GALNT18: variants seen among roughly 807,000 people sequenced by gnomAD.
GALNT18 encodes polypeptide N-acetylgalactosaminyltransferase 18, also known as GalNAc-transferase 18.
Under a neutral mutation model 69.5 loss-of-function variants are expected in GALNT18, and 44 were observed. That is an observed-to-expected ratio of 0.63 (90% confidence interval 0.50 to 0.81). The LOEUF (loss-of-function observed/expected upper bound fraction) is 0.81. Among genes scored for constraint, GALNT18 ranks in the 40% least tolerant of loss-of-function variants. The pLI, the probability that GALNT18 is intolerant of heterozygous loss-of-function variation, is 0.00. For missense variants in GALNT18, 715 were observed against 810.0 expected (o/e 0.88, Z 1.42); for synonymous variants, 364 against 318.2 (o/e 1.14, Z -1.53).
At chr11:11,359,376 G>T (rs998929067) in intron 6 of GALNT18, among the ~76,000 whole-genome samples, 1 of 141,374 alleles carries the variant, frequency 7.1e-6, no homozygotes, top group African/African-American at 2.6e-5. Flanking sequence ...TTTAACCGTG[G>T]ATACATATTT....
At chr11:11,442,488 C>A (rs1158579795) in intron 2 of GALNT18, among the ~76,000 whole-genome samples, 1 of 152,154 alleles carries the variant, frequency 6.6e-6, no homozygotes, top group Non-Finnish European at 1.5e-5. Flanking sequence ...TTCAAAGATG[C>A]CAGATGTCTC....
intron 3 of GALNT18, among the ~76,000 whole-genome samples, chr11:11,414,778 T>C (rs1169597197): frequency 6.6e-6 from 1 of 152,198 alleles, no homozygotes; most frequent in Non-Finnish European, 1.5e-5. Context: ...ATGGATTCAT[T>C]TTCTATTGAT....
chr11:11,284,151 G>A (rs772477269), intron 10 of GALNT18, among the ~76,000 whole-genome samples: 1 of 152,184 alleles, frequency 6.6e-6, no homozygotes, highest in Non-Finnish European at 1.5e-5. Flanking sequence ...AGAACTGTGC[G>A]TAGACTGGGG....
At position 11,564,872 on chromosome 11, in the gene GALNT18, T is replaced by C. The variant is rs7947984; in HGVS notation, c.235+56487A>G. ...GTGTTCATAAGTGGCCTGTGTCTGCTCGATACCATAGTGAACAGAATAGGT... is the reference window on the plus strand; with the variant it reads ...GTGTTCATAAGTGGCCTGTGTCTGCCCGATACCATAGTGAACAGAATAGGT... On this transcript the variant is annotated intron_variant, in intron 1 of 10. Coordinates refer to ENST00000227756, the MANE Select transcript of GALNT18 (RefSeq NM_198516.3). This position sits in a 1 kb window ranked among gnomAD's most constrained non-coding sequence, Gnocchi z 4.3. Among the ~76,000 whole-genome samples, 1,721 of 152,320 alleles carry C rather than the reference T, an allele frequency of 0.011. 37 individuals carry two copies. Among genetic ancestry groups the C allele is most frequent in the African/African-American group, 0.039 (1,615 of 41,548 alleles).
intron 10 of GALNT18, among the ~76,000 whole-genome samples, chr11:11,274,896 C>T (rs1017703492): frequency 2.6e-5 from 4 of 152,188 alleles, no homozygotes; most frequent in African/African-American, 9.7e-5. Context: ...TTTATGGCTG[C>T]ATAGTGTTCC....
rs147952618 is a variant in GALNT18, at chr11:11,538,568, G to A, written c.235+82791C>T. On this transcript the variant is annotated intron_variant, in intron 1 of 10. Coordinates refer to ENST00000227756, the MANE Select transcript of GALNT18 (RefSeq NM_198516.3). The surrounding 1 kb of genome is among the most constrained non-coding windows in gnomAD (Gnocchi z 5.2). ...TTGCACCAACAACCCGATAGCCCTG[G>A]AGCTCGCGGCACTCCTCTCAGGGGC... Among the ~76,000 whole-genome samples, 71 of 152,242 alleles carry A rather than the reference G, an allele frequency of 4.7e-4. 1 individual carries two copies. In the East Asian group the frequency reaches 0.012, roughly 26 times the overall value.
At chr11:11,278,510 T>TA (rs545686221) in intron 10 of GALNT18, among the ~76,000 whole-genome samples, 133 of 144,500 alleles carry the variant, frequency 9.2e-4, no homozygotes, top group East Asian at 2.4e-3. Context: ...ACTTATAGTA[T>TA]AAAAAAAAAA....
rs1438093057 is a variant in GALNT18, at chr11:11,573,301, C to A, written c.235+48058G>T. ...TCTCTGTCCCCGGGTGGGGCCGCAGCATCACAGTGCCTGTGGGAAGGCTGG... is the reference window on the plus strand; with the variant it reads ...TCTCTGTCCCCGGGTGGGGCCGCAGAATCACAGTGCCTGTGGGAAGGCTGG... On this transcript the variant is annotated intron_variant, in intron 1 of 10. Transcript: ENST00000227756. This position sits in a 1 kb window ranked among gnomAD's most constrained non-coding sequence, Gnocchi z 4.6. 3.3e-5 allele frequency among the ~76,000 whole-genome samples: 5 copies of A among 152,204 alleles called. No homozygotes were observed. The highest frequency in any genetic ancestry group is 1.3e-4 in the Admixed American group (2 of 15,280).
intron 10 of GALNT18, among the ~76,000 whole-genome samples, chr11:11,281,304 G>A (rs188653393): frequency 2.3e-4 from 35 of 152,334 alleles, no homozygotes; most frequent in Middle Eastern, 6.8e-3. Context: ...ATTGTCTGCA[G>A]GCCCAAATGG....
chr11:11,276,006 G>A (rs1301222483), intron 10 of GALNT18, among the ~76,000 whole-genome samples: 1 of 152,168 alleles, frequency 6.6e-6, no homozygotes, highest in East Asian at 1.9e-4. Context: ...GATTGTCTTG[G>A]CTATGCAGGC....
intron 1 of GALNT18, among the ~76,000 whole-genome samples, chr11:11,509,208 A>G (rs570965420): frequency 1.2e-4 from 19 of 152,254 alleles, no homozygotes; most frequent in African/African-American, 4.6e-4. Flanking sequence ...ATCTGTGACA[A>G]TTAGGGCCCT....
Position 11,543,926 on chromosome 11 carries a change from C to T in GALNT18, c.235+77433G>A, listed in dbSNP as rs546793731. ...GTGACTTCCTCACTCCAGGCCCAAG[C>T]CAAGAAACATGAACAATAAAAAGCC... On this transcript the variant is annotated intron_variant, in intron 1 of 10. Transcript: ENST00000227756. The surrounding 1 kb of genome is among the most constrained non-coding windows in gnomAD (Gnocchi z 5.1). Among the ~76,000 whole-genome samples the T allele has an allele frequency of 2.0e-5, 3 of 152,344 alleles. No individual in the cohort carries two copies. Among genetic ancestry groups the T allele is most frequent in the Non-Finnish European group, 4.4e-5 (3 of 68,038 alleles).
chr11:11,520,448 A>G (rs1158803630), intron 1 of GALNT18, among the ~76,000 whole-genome samples: 2 of 152,192 alleles, frequency 1.3e-5, no homozygotes, highest in Non-Finnish European at 2.9e-5. Context: ...CCTGCTTCCC[A>G]TTCCCCTGCC....
chr11:11,493,591 C>A (rs1856816102), intron 1 of GALNT18, among the ~76,000 whole-genome samples: 2 of 152,238 alleles, frequency 1.3e-5, no homozygotes, highest in Non-Finnish European at 2.9e-5. Context: ...CACAGTGATG[C>A]TCAGTAAGTG....
intron 6 of GALNT18, among the ~76,000 whole-genome samples, chr11:11,346,315 A>C (rs1850302505): frequency 6.6e-6 from 1 of 152,224 alleles, no homozygotes; most frequent in African/African-American, 2.4e-5. Context: ...CTATTATTTG[A>C]ATGAGTGAAT....
In GALNT18 at chr11:11,379,177, T is replaced by C; in HGVS notation, c.683A>G (p.Gln228Arg). ...GACCCTGGAGCGGATGAGGCCTTCC[T>C]GCTTGCTGTGACGCACGACTTTGAT... The part of the protein sequence containing the change: ...GFIKVVRHSK[Q>R]EGLIRSRVSG... The change falls in exon 4 of 11, where the codon CAG becomes CGG. Residue 228 changes from glutamine (Q) to arginine (R), a missense_variant. Physicochemically the swap from Gln to Arg is conservative, Grantham distance 43. Coordinates refer to ENST00000227756, the MANE Select transcript of GALNT18 (RefSeq NM_198516.3). 4 of 1,612,610 alleles carry C rather than the reference T, an allele frequency of 2.5e-6. No individual in the cohort carries two copies. Among genetic ancestry groups the C allele is most frequent in the Non-Finnish European group, 3.4e-6 (4 of 1,180,008 alleles).
chr11:11,342,379 T>A (rs529860694), intron 6 of GALNT18, among the ~76,000 whole-genome samples: 1 of 152,342 alleles, frequency 6.6e-6, no homozygotes, highest in African/African-American at 2.4e-5. Context: ...TGCCAGATAC[T>A]GTCAACATCA....
At position 11,617,326 on chromosome 11, in the gene GALNT18, G is replaced by A. The variant is rs867481439; in HGVS notation, c.235+4033C>T. On this transcript the variant is annotated intron_variant, in intron 1 of 10. Coordinates refer to ENST00000227756, the MANE Select transcript of GALNT18 (RefSeq NM_198516.3). This position sits in a 1 kb window ranked among gnomAD's most constrained non-coding sequence, Gnocchi z 4.7. The stretch of plus-strand genomic sequence containing the variant: ...TTCTTTGTCCTTTGAAAACAAGTCC[G>A]CTATGACAAGGACCAAGAGTGCCCA... 7.2e-5 allele frequency among the ~76,000 whole-genome samples: 11 copies of A among 152,270 alleles called. No homozygotes were observed. The highest frequency in any genetic ancestry group is 2.0e-4 in the Admixed American group (3 of 15,298).
In GALNT18 at chr11:11,430,464, G is replaced by C. The variant is rs1186144478; in HGVS notation, c.595+2157C>G. Among the ~76,000 whole-genome samples the C allele has an allele frequency of 6.6e-6, 1 of 152,210 alleles. No individual in the cohort carries two copies. Among genetic ancestry groups the C allele is most frequent in the East Asian group, 1.9e-4 (1 of 5,190 alleles). On this transcript the variant is annotated intron_variant, in intron 3 of 10. Transcript: ENST00000227756. This position sits in a 1 kb window ranked among gnomAD's most constrained non-coding sequence, Gnocchi z 4.9. ...CAGCTCGATGCAGTTGTGATGACAA[G>C]TACAGCTTTGTGTAACCAACACCAC...
Sources: allele counts gnomAD v4.1 joint callset (sites outside exome capture counted in the v4.1 genomes callset), GRCh38; gene constraint gnomAD v4.1.1; non-coding constraint Gnocchi (gnomAD v3.1); transcripts MANE v1.5; gene names NCBI Gene and HGNC (gene_info 2026-07-23, HGNC 2026-07-21).